The following TMEM223 variants were observed in gnomAD, a reference collection of about 807,000 sequenced individuals.
The protein encoded by TMEM223 is transmembrane protein 223.
In TMEM223, 14 loss-of-function variants were observed where a neutral mutation model predicts 14.1. That is an observed-to-expected ratio of 0.99 (90% confidence interval 0.66 to 1.55). The LOEUF is 1.55. TMEM223 is among the 40% of genes most tolerant of loss of function. The probability of loss-of-function intolerance (pLI) is 0.00; values close to 1 mark genes in which losing one functional copy is unlikely to be tolerated. For missense variants in TMEM223, 346 were observed against 269.9 expected, an observed-to-expected ratio of 1.28 and a Z score of -1.97; for synonymous variants, 145 against 120.5, an observed-to-expected ratio of 1.20 and a Z score of -1.33.
intron 1 of TMEM223, chr11:62,782,127 C>T: frequency 6.2e-7 from 1 of 1,609,116 alleles, no homozygotes; most frequent in Non-Finnish European, 8.5e-7. Context: ...AATCTGTAAG[C>T]CATGACCTGG....
intron 1 of TMEM223, among the ~76,000 whole-genome samples, chr11:62,779,896 C>G (rs2084214386): frequency 6.9e-6 from 1 of 144,684 alleles, no homozygotes; most frequent in African/African-American, 2.5e-5. Flanking sequence ...AAACTCCTGA[C>G]CTCAGGTGAT....
At position 62,781,792 on chromosome 11, in the gene TMEM223, G is replaced by A; in HGVS notation, c.315-7127C>T. 5.1e-6 allele frequency: 5 copies of A among 975,118 alleles called. No individual in the cohort carries two copies. The South Asian group carries it at 6.7e-5, about 13-fold the overall frequency. The allele number at this position is 975,118 out of a possible 1,614,324, so 60.4% of individuals were successfully genotyped here. ...ATCAAAGAATATGAACATTAAAATT[G>A]TAAAACATGAATAAGGTGATACACT... On this transcript the variant is annotated intron_variant, in intron 1 of 2. Coordinates refer to the TMEM223 transcript ENST00000528367.
At chr11:62,779,072 G>C in intron 1 of TMEM223, 3 of 901,400 alleles carry the variant, frequency 3.3e-6, no homozygotes, top group Non-Finnish European at 5.2e-6. Flanking sequence ...CCAGGCTGGA[G>C]TGCAATGGCA....
chr11:62,789,284 C>T (rs776007234), downstream of TMEM223: 56 of 1,613,972 alleles, frequency 3.5e-5, no homozygotes, highest in Middle Eastern at 1.6e-4. Flanking sequence ...TTGTTCTCTC[C>T]CTTTCAGAGG....
At position 62,772,240 on chromosome 11, in the gene TMEM223, G is replaced by C. The variant is rs2084154008; in HGVS notation, c.386-108C>G. 1.2e-5 allele frequency: 5 copies of C among 418,258 alleles called. No individual in the cohort carries two copies. The Admixed American group carries it at 1.3e-4, about 11-fold the overall frequency. The allele number at this position is 418,258 out of a possible 1,614,324, so 25.9% of individuals were successfully genotyped here. A position where few individuals can be genotyped will look rare whatever the true frequency, so the allele number is the denominator to read the frequency against. ...TCAGGCATAGTACAGTGCTATTCGT[G>C]GCCGGGCGCGGTGGCTCACGCCTGT... On this transcript the variant is annotated intron_variant, in intron 2 of 2. Transcript: ENST00000528367.
intron 2 of TMEM223, among the ~76,000 whole-genome samples, chr11:62,772,751 T>TTG (rs1310674480): frequency 6.8e-6 from 1 of 146,464 alleles, no homozygotes; most frequent in East Asian, 2.0e-4. Flanking sequence ...TGAGCCGAGA[T>TTG]CAAGCCACTG....
At chr11:62,786,058 ACCT>A (rs2084271928), downstream of TMEM223, 4 of 609,590 alleles carry the variant, frequency 6.6e-6, no homozygotes, top group Admixed American at 5.1e-5. Context: ...CTCCCTTTGT[ACCT>A]TATCTTTATT....
At chr11:62,779,368 G>A (rs1482094534) in intron 1 of TMEM223, among the ~76,000 whole-genome samples, 1 of 151,828 alleles carries the variant, frequency 6.6e-6, no homozygotes, top group Non-Finnish European at 1.5e-5. Flanking sequence ...CTAATTTTTT[G>A]TATTTTTTAG....
rs1447356731 is a variant in TMEM223 at position 62,791,688 on chromosome 11, C to T, written c.307G>A (p.Gly103Ser). ...CCAGCCCACGTCTTACCGATGGCGC[C>T]GCAGCCGACGGCCAGACCGTAGCGC... ...LWRYGLAVGC[G>S]AIGALVLGAG... Residue 103 changes from glycine to serine, a missense_variant, in exon 1 of 2, where the codon GGC (glycine) becomes AGC (serine). Physicochemically the swap from Gly to Ser is moderately conservative, Grantham distance 56. Transcript: ENST00000307366. 17 of 1,534,826 alleles carry T rather than the reference C, an allele frequency of 1.1e-5. No homozygotes were observed. The highest frequency in any genetic ancestry group is 2.4e-5 in the South Asian group (2 of 83,514).
At chr11:62,783,333 T>A (rs535924387), downstream of TMEM223, among the ~76,000 whole-genome samples, 4 of 152,046 alleles carry the variant, frequency 2.6e-5, no homozygotes, top group South Asian at 6.2e-4. Context: ...ATACAAACAA[T>A]TAGCCTGGTG....
chr11:62,787,316 C>T (rs758234661), downstream of TMEM223: 3 of 1,527,214 alleles, frequency 2.0e-6, no homozygotes, highest in Non-Finnish European at 8.7e-7. Flanking sequence ...CCCTTCGTTC[C>T]TTGTAAATAA....
intron 1 of TMEM223, among the ~76,000 whole-genome samples, 174 bp downstream of exon 1, chr11:62,791,505 C>T (rs1466958006): frequency 1.3e-5 from 2 of 152,344 alleles, no homozygotes; most frequent in Admixed American, 6.5e-5. Context: ...GATCCGCCCG[C>T]CTCCGGCCTC....
chr11:62,789,154 C>T (rs772908332), downstream of TMEM223: 13 of 1,614,096 alleles, frequency 8.1e-6, no homozygotes, highest in Admixed American at 1.7e-5. Context: ...TGGCCCTCTA[C>T]TGCCTCCTGC....
At chr11:62,783,535 CTTT>C (rs1342686734), downstream of TMEM223, among the ~76,000 whole-genome samples, 2 of 133,882 alleles carry the variant, frequency 1.5e-5, no homozygotes. Context: ...GAGGGAGGAT[CTTT>C]TTTTTTTTTT....
At chr11:62,787,333 C>T (rs548299721), downstream of TMEM223, 5 of 1,523,552 alleles carry the variant, frequency 3.3e-6, no homozygotes, top group East Asian at 2.3e-5. Flanking sequence ...ATAAATCCCG[C>T]CCCCGGAAAT....
Position 62,791,990 on chromosome 11 carries a change from G to T in TMEM223, c.5C>A (p.Ala2Glu). 4 of 1,527,826 alleles carry T rather than the reference G, an allele frequency of 2.6e-6. No homozygotes were observed. Among genetic ancestry groups the T allele is most frequent in the Non-Finnish European group, 3.5e-6 (4 of 1,132,564 alleles). 94.6% of individuals were successfully genotyped at this position (1,527,826 alleles called of 1,614,324 possible). A position where few individuals can be genotyped will look rare whatever the true frequency, so the allele number is the denominator to read the frequency against. Residue 2 changes from alanine (A) to glutamate (E), a missense_variant, in exon 1 of 2, where the codon GCG (alanine) becomes GAG (glutamate). Physicochemically the swap from Ala to Glu is moderately radical, Grantham distance 107. Transcript: ENST00000307366. M[A>E]APWRRWPTGL... ...CGTGGGCCATCGCCTCCAAGGCGCC[G>T]CCATGGCCAGCCGACTTCCGGGGTG...
At chr11:62,775,669 C>G in intron 1 of TMEM223, 1 of 1,351,068 alleles carries the variant, frequency 7.4e-7, no homozygotes, top group South Asian at 1.4e-5. Flanking sequence ...TTTAGAAACT[C>G]CAGAGCACGA....
downstream of TMEM223, chr11:62,786,911 G>A (rs1172887780): frequency 1.3e-6 from 2 of 1,507,366 alleles, no homozygotes; most frequent in Admixed American, 4.4e-5. Context: ...GCCATAGTCA[G>A]CCCGCACGGC....
chr11:62,776,475 G>A, intron 1 of TMEM223: 1 of 1,613,396 alleles, frequency 6.2e-7, no homozygotes. Context: ...GTGGAGGTGA[G>A]TGGGGTGCAG....
Sources: gnomAD v4.1 joint callset for allele counts (sites outside exome capture counted in the v4.1 genomes callset) on GRCh38, gnomAD v4.1.1 for gene constraint, MANE v1.5 for transcripts, NCBI Gene and HGNC (gene_info 2026-07-23, HGNC 2026-07-21) for gene names.